The following NRG3 variants were observed in gnomAD, a reference collection of about 807,000 sequenced individuals.
NRG3 encodes the protein neuregulin 3.
In NRG3, 31 loss-of-function variants were observed where a neutral mutation model predicts 66.9. The observed-to-expected ratio is 0.46, with a 90% CI of 0.35 to 0.63. The LOEUF is 0.63. Among genes scored for constraint, NRG3 ranks in the 20% least tolerant of loss-of-function variants. The pLI is 0.00. For missense variants in NRG3, 910 were observed against 878.9 expected (o/e 1.04, Z -0.45); for synonymous variants, 393 against 359.4 (o/e 1.09, Z -1.06).
intron 8 of NRG3, among the ~76,000 whole-genome samples, chr10:82,979,914 G>A (rs1339761310): frequency 6.6e-6 from 1 of 152,122 alleles, no homozygotes; most frequent in Non-Finnish European, 1.5e-5. Context: ...TATAAATTGA[G>A]AAAAATAGAC....
intron 1 of NRG3, among the ~76,000 whole-genome samples, chr10:82,027,953 T>A (rs1329419638): frequency 6.6e-6 from 1 of 152,104 alleles, no homozygotes; most frequent in East Asian, 1.9e-4. Flanking sequence ...CAGACTTGAC[T>A]CTTTTGTCCC....
intron 1 of NRG3, among the ~76,000 whole-genome samples, chr10:81,913,517 G>A (rs557454407): frequency 2.0e-5 from 3 of 151,798 alleles, no homozygotes; most frequent in Admixed American, 6.6e-5. Flanking sequence ...TCTGCCTCCC[G>A]GGTTCAAGTG....
chr10:82,736,378 CATAT>C (rs950353691), intron 2 of NRG3, among the ~76,000 whole-genome samples: 15 of 152,282 alleles, frequency 9.9e-5, no homozygotes, highest in Middle Eastern at 3.4e-3. Context: ...ATCAAGGTGA[CATAT>C]GTGTGATTTT....
At chr10:82,028,928 T>A (rs2062439685) in intron 1 of NRG3, among the ~76,000 whole-genome samples, 1 of 152,036 alleles carries the variant, frequency 6.6e-6, no homozygotes, top group Admixed American at 6.6e-5. Context: ...AAACTATGTG[T>A]CCAGGTGCGG....
chr10:82,556,977 T>A (rs1328803601), intron 2 of NRG3, among the ~76,000 whole-genome samples: 1 of 152,126 alleles, frequency 6.6e-6, no homozygotes, highest in Non-Finnish European at 1.5e-5. Flanking sequence ...GATCTCTTTC[T>A]TTTTATGGCT....
chr10:82,479,829 G>A (rs959408081), intron 2 of NRG3, among the ~76,000 whole-genome samples: 3 of 151,820 alleles, frequency 2.0e-5, no homozygotes, highest in Non-Finnish European at 4.4e-5. Context: ...TTAGCGGGGC[G>A]TGGTGGTGGG....
rs891214426 is a variant in NRG3 at position 82,711,702 on chromosome 10, C to T, written c.954-26875C>T. Among the ~76,000 whole-genome samples, 31 of 152,164 alleles carry T rather than the reference C, an allele frequency of 2.0e-4. 1 individual carries two copies. Among genetic ancestry groups the T allele is most frequent in the East Asian group, 3.9e-4 (2 of 5,160 alleles). ...GTATTATACTAATTCCCACATATGA[C>T]GATTTGATTTCCTCTGTTCTCTACT... On this transcript the variant is annotated intron_variant, in intron 2 of 8. Coordinates refer to ENST00000372141, the MANE Select transcript of NRG3 (RefSeq NM_001010848.4).
chr10:82,137,658 A>G lies in NRG3; in HGVS notation c.824-221081A>G, dbSNP rs558881917. 2.6e-5 allele frequency among the ~76,000 whole-genome samples: 4 copies of G among 152,342 alleles called. No individual in the cohort carries two copies. In the South Asian group the frequency reaches 8.3e-4, roughly 32 times the overall value. On this transcript the variant is annotated intron_variant, in intron 1 of 8. Transcript: ENST00000372141. Reference sequence around the variant, plus strand: ...TAGTGAAATTGAAATATCAGAATTTATGTCCTGTCTCAGAATCACTGGGCC... The same window carrying G: ...TAGTGAAATTGAAATATCAGAATTTGTGTCCTGTCTCAGAATCACTGGGCC...
chr10:81,924,472 C>T (rs1047358028), intron 1 of NRG3, among the ~76,000 whole-genome samples: 18 of 152,154 alleles, frequency 1.2e-4, no homozygotes, highest in Admixed American at 1.3e-4. Context: ...GTGGTCTTCC[C>T]CCTAAAGATC....
chr10:82,856,537 G>A (rs1270014079), intron 3 of NRG3, among the ~76,000 whole-genome samples: 3 of 151,964 alleles, frequency 2.0e-5, no homozygotes, highest in Admixed American at 6.6e-5. Flanking sequence ...TTAAGGCCAG[G>A]AGTTTGAGAC....
intron 3 of NRG3, among the ~76,000 whole-genome samples, chr10:82,771,317 G>T (rs2059703931): frequency 6.6e-6 from 1 of 152,094 alleles, no homozygotes; most frequent in Non-Finnish European, 1.5e-5. Flanking sequence ...GTTAAAAAAT[G>T]AAATGTTTTC....
At chr10:82,629,486 G>T (rs552529787) in intron 2 of NRG3, among the ~76,000 whole-genome samples, 34 of 152,298 alleles carry the variant, frequency 2.2e-4, no homozygotes, top group Admixed American at 1.4e-3. Context: ...AGTGCTGTAG[G>T]TGTGTACATT....
chr10:82,313,598 G>A (rs182427180), intron 1 of NRG3, among the ~76,000 whole-genome samples: 327 of 152,122 alleles, frequency 2.1e-3, no homozygotes, highest in African/African-American at 7.5e-3. Flanking sequence ...CTCTCAAAAA[G>A]CAACCGTAGC....
intron 4 of NRG3, among the ~76,000 whole-genome samples, chr10:82,887,702 C>T (rs1233462553): frequency 6.6e-6 from 1 of 152,188 alleles, no homozygotes; most frequent in African/African-American, 2.4e-5. Flanking sequence ...AGGCATGATG[C>T]CAGGCACTGC....
At chr10:82,774,814 C>CTT (rs752687809) in intron 3 of NRG3, among the ~76,000 whole-genome samples, 1,859 of 111,328 alleles carry the variant, frequency 0.017, 95 homozygotes, top group African/African-American at 0.024. Context: ...TTTCCTTTTT[C>CTT]TTTTTTCTTT....
intron 1 of NRG3, among the ~76,000 whole-genome samples, chr10:82,171,561 A>G (rs1341584306): frequency 6.6e-6 from 1 of 152,158 alleles, no homozygotes; most frequent in Non-Finnish European, 1.5e-5. Flanking sequence ...AGAGCAGGTT[A>G]AATTCAGCTG....
intron 2 of NRG3, among the ~76,000 whole-genome samples, chr10:82,727,564 T>G (rs1408132102): frequency 6.6e-6 from 1 of 152,190 alleles, no homozygotes; most frequent in African/African-American, 2.4e-5. Context: ...TTTCAGAGGA[T>G]GTATGCAAAT....
At chr10:82,622,742 T>A (rs1217091883) in intron 2 of NRG3, among the ~76,000 whole-genome samples, 1 of 152,318 alleles carries the variant, frequency 6.6e-6, no homozygotes, top group African/African-American at 2.4e-5. Flanking sequence ...GTGTTGCCAG[T>A]GTGTTTGTGT....
chr10:81,903,006 A>AC (rs1844228112), intron 1 of NRG3, among the ~76,000 whole-genome samples: 1 of 152,110 alleles, frequency 6.6e-6, no homozygotes, highest in Non-Finnish European at 1.5e-5. Flanking sequence ...TTCACTGAAA[A>AC]AAAAGGAAAC....
Sources: gnomAD v4.1 joint callset for allele counts (sites outside exome capture counted in the v4.1 genomes callset) on GRCh38, gnomAD v4.1.1 for gene constraint, MANE v1.5 for transcripts, NCBI Gene and HGNC (gene_info 2026-07-23, HGNC 2026-07-21) for gene names.